NTRK2: variants seen among roughly 807,000 people sequenced by gnomAD.
The protein encoded by NTRK2 is neurotrophic receptor tyrosine kinase 2.
A neutral mutation model predicts 94.5 loss-of-function variants in NTRK2; 13 were observed. The observed-to-expected ratio is 0.14, with a 90% CI of 0.09 to 0.22. NTRK2 has a LOEUF of 0.22. Among genes scored for constraint, NTRK2 ranks in the 10% least tolerant of loss-of-function variants. NTRK2 has a pLI of 1.00. For synonymous variants in NTRK2, 372 were observed against 407.4 expected (o/e 0.91, Z 1.05); for missense variants, 639 against 1,071.2 (o/e 0.60, Z 5.63).
intron 12 of NTRK2, among the ~76,000 whole-genome samples, chr9:84,783,362 C>T (rs949655638): frequency 2.0e-5 from 3 of 152,200 alleles, no homozygotes; most frequent in African/African-American, 4.8e-5. Context: ...TGATCACTCA[C>T]GTTCTTTACT....
chr9:84,688,136 A>G (rs1335190029), intron 2 of NTRK2, among the ~76,000 whole-genome samples: 1 of 152,146 alleles, frequency 6.6e-6, no homozygotes. Flanking sequence ...GAATTCTGGG[A>G]TCCTGGGGAA....
rs1404390691 is a variant in NTRK2 at position 85,023,585 on chromosome 9, T to C, written c.*2148T>C. On this transcript the variant is annotated 3_prime_UTR_variant, in exon 19 of 19. Coordinates refer to ENST00000277120, the MANE Select transcript of NTRK2 (RefSeq NM_006180.6). ...TTGGGTCGTTTGTTCTCTTTGTTGA[T>C]GATTTTAAAAAAACCCTCTAGAATA... The C allele has an allele frequency of 4.4e-6, 1 of 228,340 alleles. No individual in the cohort carries two copies. Among genetic ancestry groups the C allele is most frequent in the African/African-American group, 2.3e-5 (1 of 42,964 alleles). The allele number at this position is 228,340 out of a possible 1,614,324, so 14.1% of individuals were successfully genotyped here. A position where few individuals can be genotyped will look rare whatever the true frequency, so the allele number is the denominator to read the frequency against.
intron 12 of NTRK2, among the ~76,000 whole-genome samples, chr9:84,834,157 G>C (rs193015889): frequency 6.6e-6 from 1 of 152,088 alleles, no homozygotes; most frequent in Non-Finnish European, 1.5e-5. Context: ...CTATCAATAA[G>C]GTTGCCAGAT....
intron 12 of NTRK2, among the ~76,000 whole-genome samples, chr9:84,761,815 G>A (rs1250633027): frequency 6.6e-6 from 1 of 152,160 alleles, no homozygotes; most frequent in Non-Finnish European, 1.5e-5. Context: ...CATTCCCAGT[G>A]AATCTGTTTA....
At chr9:84,762,023 G>GTT (rs531733462) in intron 12 of NTRK2, among the ~76,000 whole-genome samples, 1 of 148,912 alleles carries the variant, frequency 6.7e-6, no homozygotes, top group Non-Finnish European at 1.5e-5. Context: ...ACGATCTGAG[G>GTT]TTTTTTTTTT....
chr9:84,700,206 A>C (rs2060637605), intron 2 of NTRK2, among the ~76,000 whole-genome samples: 1 of 152,140 alleles, frequency 6.6e-6, no homozygotes, highest in African/African-American at 2.4e-5. Flanking sequence ...AAAGTATTAA[A>C]ATTCAGGGCT....
At chr9:84,914,376 T>G (rs2077332720) in intron 14 of NTRK2, among the ~76,000 whole-genome samples, 1 of 152,246 alleles carries the variant, frequency 6.6e-6, no homozygotes, top group Admixed American at 6.5e-5. Flanking sequence ...TCTTTCTGGT[T>G]CATGATATGA....
At chr9:84,782,470 G>A (rs2067690272) in intron 12 of NTRK2, among the ~76,000 whole-genome samples, 1 of 152,210 alleles carries the variant, frequency 6.6e-6, no homozygotes, top group Admixed American at 6.5e-5. Flanking sequence ...TGCTGTGGCT[G>A]TCGCTCTAGC....
intron 14 of NTRK2, among the ~76,000 whole-genome samples, chr9:84,888,649 A>AG (rs2076494877): frequency 7.1e-6 from 1 of 141,090 alleles, no homozygotes; most frequent in Non-Finnish European, 1.5e-5. Flanking sequence ...AAAAAAAAAA[A>AG]GTGGCAGAGA....
chr9:84,670,408 T>G lies in NTRK2; in HGVS notation c.-341T>G, dbSNP rs765848887. 2 of 424,868 alleles carry G rather than the reference T, an allele frequency of 4.7e-6. No homozygotes were observed. The highest frequency in any genetic ancestry group is 4.0e-5 in the African/African-American group (2 of 49,530). The allele number at this position is 424,868 out of a possible 1,614,324, so 26.3% of individuals were successfully genotyped here. A position where few individuals can be genotyped will look rare whatever the true frequency, so the allele number is the denominator to read the frequency against. On this transcript the variant is annotated 5_prime_UTR_variant, in exon 2 of 19. Coordinates refer to ENST00000277120, the MANE Select transcript of NTRK2 (RefSeq NM_006180.6). Reference sequence around the variant, plus strand: ...GGTGCATACCGGACCCCCATTCGCATCTAACAAGGAATCTGCGCCCCAGAG... The same window carrying G: ...GGTGCATACCGGACCCCCATTCGCAGCTAACAAGGAATCTGCGCCCCAGAG...
chr9:84,996,007 T>A (rs1401372841), intron 17 of NTRK2, among the ~76,000 whole-genome samples: 1 of 152,218 alleles, frequency 6.6e-6, no homozygotes, highest in Non-Finnish European at 1.5e-5. Context: ...AATATCTGAT[T>A]GGCTACAAGT....
intron 17 of NTRK2, among the ~76,000 whole-genome samples, chr9:84,983,483 G>C (rs1041300036): frequency 6.6e-6 from 1 of 152,196 alleles, no homozygotes; most frequent in Non-Finnish European, 1.5e-5. Context: ...CCCTTGGGCT[G>C]CTTCTACTAA....
At chr9:84,691,837 G>T (rs776971646) in intron 2 of NTRK2, among the ~76,000 whole-genome samples, 8 of 152,216 alleles carry the variant, frequency 5.3e-5, no homozygotes, top group Non-Finnish European at 7.4e-5. Flanking sequence ...CATAGGAAAA[G>T]CTCCCTTAGG....
intron 14 of NTRK2, chr9:84,872,803 A>G (rs2075913880): frequency 9.4e-7 from 1 of 1,064,708 alleles, no homozygotes; most frequent in Non-Finnish European, 1.1e-6. Context: ...TTCATAGGCC[A>G]GCTAGGCCTG....
At chr9:84,705,751 T>C (rs2061011838) in intron 4 of NTRK2, among the ~76,000 whole-genome samples, 1 of 152,060 alleles carries the variant, frequency 6.6e-6, no homozygotes. Context: ...AGACTGACTT[T>C]TCAATGCATT....
chr9:84,964,069 T>C (rs535524321), intron 17 of NTRK2, among the ~76,000 whole-genome samples: 1 of 152,238 alleles, frequency 6.6e-6, no homozygotes, highest in Non-Finnish European at 1.5e-5. Context: ...GTTCCGTTGA[T>C]TGAGTTTTCT....
chr9:84,881,731 G>A lies in NTRK2; in HGVS notation c.1633+14300G>A, dbSNP rs188200364. On this transcript the variant is annotated intron_variant, in intron 14 of 18. Coordinates refer to ENST00000277120, the MANE Select transcript of NTRK2 (RefSeq NM_006180.6). Reference sequence around the variant, plus strand: ...GGTTGGTTATCTTTCCTTTTGAATTGCATATTAGCTATGCCCATTGCCATG... The same window carrying A: ...GGTTGGTTATCTTTCCTTTTGAATTACATATTAGCTATGCCCATTGCCATG... Among the ~76,000 whole-genome samples, 527 of 152,256 alleles carry A rather than the reference G, an allele frequency of 3.5e-3. 2 individuals are homozygous for A. Among genetic ancestry groups the A allele is most frequent in the Middle Eastern group, 0.01 (3 of 294 alleles).
intron 15 of NTRK2, among the ~76,000 whole-genome samples, chr9:84,944,844 A>G (rs961518440): frequency 2.0e-5 from 3 of 152,224 alleles, no homozygotes; most frequent in African/African-American, 7.2e-5. Flanking sequence ...AAATCATCAA[A>G]TGTCCCTCTC....
chr9:84,882,849 C>T (rs1381671000), intron 14 of NTRK2, among the ~76,000 whole-genome samples: 5 of 152,288 alleles, frequency 3.3e-5, no homozygotes, highest in South Asian at 2.1e-4. Context: ...CTGAAACCTC[C>T]GCCTCCTGGG....
Sources: gnomAD v4.1 joint callset for allele counts (sites outside exome capture counted in the v4.1 genomes callset) on GRCh38, gnomAD v4.1.1 for gene constraint, MANE v1.5 for transcripts, NCBI Gene and HGNC (gene_info 2026-07-23, HGNC 2026-07-21) for gene names.